Variants in PPP2R3C observed in about 807,000 individuals in gnomAD.
The protein encoded by PPP2R3C is serine/threonine-protein phosphatase 2A regulatory subunit B'' subunit gamma.
In PPP2R3C, 47 loss-of-function variants were observed where a neutral mutation model predicts 63.7. That is an observed-to-expected ratio of 0.74 (90% CI 0.58 to 0.94). The LOEUF is 0.94. Ranked by LOEUF, PPP2R3C falls within the 40% of genes least tolerant of loss-of-function variation. The pLI is 0.00. For synonymous variants in PPP2R3C, 180 were observed against 177.4 expected, an observed-to-expected ratio of 1.01 and a Z score of -0.12; for missense variants, 421 against 518.4, an observed-to-expected ratio of 0.81 and a Z score of 1.82.
Position 35,096,718 on chromosome 14 carries a change from A to G in PPP2R3C, c.753T>C (p.Asp251=). The change falls in exon 8 of 13, where the codon GAT becomes GAC. Residue 251 remains aspartate, a synonymous_variant. Coordinates refer to ENST00000261475, the MANE Select transcript of PPP2R3C (RefSeq NM_017917.4). Reference sequence around the variant, plus strand: ...GTTTAAAAACATTTACCTCCAATAAATCATCTAGGAAGCTGCATGCTAAAA... The same window carrying G: ...GTTTAAAAACATTTACCTCCAATAAGTCATCTAGGAAGCTGCATGCTAAAA... ...QDILACSFLD[D]LLELRDEELS... 5 of 1,600,960 alleles carry G rather than the reference A, an allele frequency of 3.1e-6. No homozygotes were observed. The South Asian group carries it at 5.6e-5, about 18-fold the overall frequency.
intron 12 of PPP2R3C, chr14:35,086,883 T>C (rs72664807): frequency 0.34 from 51,009 of 151,896 alleles, 8,717 homozygotes; most frequent in East Asian, 0.42. Context: ...CTGCAAACTT[T>C]GCCTCCCAGG....
chr14:35,104,038 A>G (rs560439846), intron 6 of PPP2R3C, among the ~76,000 whole-genome samples: 1 of 152,170 alleles, frequency 6.6e-6, no homozygotes, highest in Non-Finnish European at 1.5e-5. Context: ...CTCTCTTTCA[A>G]TCTTTGTTTC....
In PPP2R3C at chr14:35,121,951, C is replaced by T; in HGVS notation, c.9G>A (p.Trp3Ter). 1.2e-6 allele frequency: 2 copies of T among 1,614,196 alleles called. No homozygotes were observed. The highest frequency in any genetic ancestry group is 1.7e-6 in the Non-Finnish European group (2 of 1,180,020). Residue 3 changes from tryptophan (W) to a stop codon, truncating the protein, a stop_gained, in exon 1 of 13, where the codon TGG (tryptophan) becomes TGA (stop). Coordinates refer to ENST00000261475, the MANE Select transcript of PPP2R3C (RefSeq NM_017917.4). LOFTEE classifies it high-confidence loss of function. ...CTAGGCGCCGACGAAGAACTTCTTT[C>T]CAGTCCATGGCCGACTTCCGCGCAG... is the stretch of plus-strand genomic sequence containing the variant. MD[W>*]KEVLRRRLAT...
intron 6 of PPP2R3C, 128 bp downstream of exon 6, chr14:35,107,176 A>T: frequency 1.6e-6 from 1 of 621,704 alleles, no homozygotes; most frequent in Non-Finnish European, 2.7e-6. Flanking sequence ...GTACACACAA[A>T]CACACACAGA....
intron 1 of PPP2R3C, among the ~76,000 whole-genome samples, chr14:35,117,613 C>G (rs1278301004): frequency 1.3e-5 from 2 of 152,162 alleles, no homozygotes; most frequent in East Asian, 3.9e-4. Context: ...TTATTTTACT[C>G]TTTCTGGTCT....
intron 11 of PPP2R3C, among the ~76,000 whole-genome samples, chr14:35,089,033 C>CA (rs1348075010): frequency 2.6e-5 from 4 of 152,140 alleles, no homozygotes; most frequent in Non-Finnish European, 2.9e-5. Context: ...AAAGTAGGGG[C>CA]ATTCCTATGA....
intron 1 of PPP2R3C, among the ~76,000 whole-genome samples, chr14:35,120,573 A>C (rs763602686): frequency 6.6e-6 from 1 of 152,166 alleles, no homozygotes; most frequent in Non-Finnish European, 1.5e-5. Flanking sequence ...AATGAGATAT[A>C]TATTAAAATA....
At chr14:35,088,708 T>A (rs1035138311) in intron 11 of PPP2R3C, among the ~76,000 whole-genome samples, 1 of 152,166 alleles carries the variant, frequency 6.6e-6, no homozygotes, top group Admixed American at 6.6e-5. Context: ...TCTGTTAATA[T>A]AGTAATAGAT....
chr14:35,094,516 A>G (rs1162056673), intron 10 of PPP2R3C, among the ~76,000 whole-genome samples: 1 of 150,790 alleles, frequency 6.6e-6, no homozygotes, highest in African/African-American at 2.5e-5. Flanking sequence ...ACTACTGTAC[A>G]GTAGGTGCAC....
At chr14:35,107,840 T>C (rs1169887075) in intron 5 of PPP2R3C, 4 of 434,198 alleles carry the variant, frequency 9.2e-6, no homozygotes, top group African/African-American at 6.1e-5. Flanking sequence ...ACTTGTAATA[T>C]ACTGGTAAAA....
chr14:35,093,514 C>CGAA (rs2045898296), intron 10 of PPP2R3C, among the ~76,000 whole-genome samples: 1 of 151,842 alleles, frequency 6.6e-6, no homozygotes, highest in African/African-American at 2.4e-5. Flanking sequence ...GTGCCTTTTC[C>CGAA]CCTCTTTTCT....
chr14:35,118,020 C>G (rs966101947), intron 1 of PPP2R3C, among the ~76,000 whole-genome samples: 3 of 151,994 alleles, frequency 2.0e-5, no homozygotes, highest in African/African-American at 7.3e-5. Flanking sequence ...AACCTTAGAC[C>G]AAACCTATAA....
At chr14:35,092,938 GC>G (rs2045870766) in intron 10 of PPP2R3C, among the ~76,000 whole-genome samples, 1 of 152,054 alleles carries the variant, frequency 6.6e-6, no homozygotes, top group African/African-American at 2.4e-5. Context: ...AGAACAGAAA[GC>G]CTTCCCTATA....
chr14:35,090,899 T>A (rs1022792508), intron 11 of PPP2R3C, among the ~76,000 whole-genome samples, 171 bp downstream of exon 11: 2 of 152,052 alleles, frequency 1.3e-5, no homozygotes, highest in African/African-American at 2.4e-5. Flanking sequence ...GTATTTTTAG[T>A]AGAGACGGGG....
intron 6 of PPP2R3C, chr14:35,100,027 C>T (rs950294779): frequency 3.3e-5 from 5 of 152,242 alleles, no homozygotes; most frequent in Admixed American, 3.3e-4. Context: ...CGTGAGGCAC[C>T]ACACCCAGCC....
At chr14:35,096,002 AG>A (rs2045987903) in intron 9 of PPP2R3C, among the ~76,000 whole-genome samples, 1 of 152,200 alleles carries the variant, frequency 6.6e-6, no homozygotes, top group Non-Finnish European at 1.5e-5. Flanking sequence ...TGAGTCAACA[AG>A]GATCAAATTA....
chr14:35,108,203 G>A lies in PPP2R3C; in HGVS notation c.438C>T (p.Leu146=). The change falls in exon 5 of 13, where the codon CTC becomes CTT. Residue 146 remains leucine (L), a synonymous_variant. Coordinates refer to ENST00000261475, the MANE Select transcript of PPP2R3C (RefSeq NM_017917.4). ...QFFTAKVFAK[L]LHTDSYGRIS... Reference sequence around the variant, plus strand: ...TTCTTCCATATGAATCTGTATGAAGGAGTTTAGCAAAGACTTTTGCTGTGA... The same window carrying A: ...TTCTTCCATATGAATCTGTATGAAGAAGTTTAGCAAAGACTTTTGCTGTGA... 1.3e-6 allele frequency: 2 copies of A among 1,591,972 alleles called. No homozygotes were observed. Among genetic ancestry groups the A allele is most frequent in the Non-Finnish European group, 1.7e-6 (2 of 1,174,308 alleles).
chr14:35,104,223 T>TACTAGAAAGAGATG (rs2046278712), intron 6 of PPP2R3C, among the ~76,000 whole-genome samples: 1 of 151,930 alleles, frequency 6.6e-6, no homozygotes, highest in Non-Finnish European at 1.5e-5. Context: ...ATGTCTTCCT[T>TACTAGAAAGAGATG]GCCAGAAGCA....
chr14:35,105,468 A>C (rs1001011649), intron 6 of PPP2R3C, among the ~76,000 whole-genome samples: 1 of 151,784 alleles, frequency 6.6e-6, no homozygotes, highest in African/African-American at 2.4e-5. Context: ...GGCATGAGCC[A>C]CCGCGCCCAG....
Sources: allele counts gnomAD v4.1 joint callset (sites outside exome capture counted in the v4.1 genomes callset), GRCh38; gene constraint gnomAD v4.1.1; transcripts MANE v1.5; gene names NCBI Gene and HGNC (gene_info 2026-07-23, HGNC 2026-07-21).